BSCL2: variants seen among roughly 807,000 people sequenced by gnomAD.
BSCL2 encodes the protein seipin.
Under a neutral mutation model 57.4 loss-of-function variants are expected in BSCL2, and 41 were observed. The ratio of observed to expected loss-of-function variants is 0.71; its 90% CI spans 0.56 to 0.93. The LOEUF (loss-of-function observed/expected upper bound fraction) is 0.93. Among genes scored for constraint, BSCL2 ranks in the 40% least tolerant of loss-of-function variants. The probability of loss-of-function intolerance (pLI) is 0.00; values close to 1 mark genes in which losing one functional copy is unlikely to be tolerated. For synonymous variants in BSCL2, 237 were observed against 227.3 expected (o/e 1.04, Z -0.38); for missense variants, 539 against 586.7 (o/e 0.92, Z 0.84).
chr11:62,692,438 G>A lies in BSCL2; in HGVS notation c.801C>T (p.His267=), dbSNP rs750694484. The A allele has an allele frequency of 4.3e-6, 7 of 1,614,148 alleles. No individual in the cohort carries two copies. The South Asian group carries it at 6.6e-5, about 15-fold the overall frequency. Residue 267 remains histidine (H), a synonymous_variant, in exon 6 of 11, where the codon CAC becomes CAT. Coordinates refer to ENST00000360796, the MANE Select transcript of BSCL2 (RefSeq NM_001122955.4). ...CTCCATACAGCTGGATGCGCTTGCTGTGGATCTCAATGATCGCTCCAGTGG... is the reference window on the plus strand; with the variant it reads ...CTCCATACAGCTGGATGCGCTTGCTATGGATCTCAATGATCGCTCCAGTGG... ...VPTTGAIIEI[H]SKRIQLYGAY... is the part of the protein sequence containing the mutation.
chr11:62,700,164 C>G (rs1945596255), intron 3 of BSCL2, among the ~76,000 whole-genome samples: 1 of 150,372 alleles, frequency 6.7e-6, no homozygotes, highest in Admixed American at 6.7e-5. Flanking sequence ...TCACTTGAAC[C>G]TGGGAGGTCA....
chr11:62,700,384 T>C (rs1397575754), intron 3 of BSCL2, among the ~76,000 whole-genome samples: 1 of 152,214 alleles, frequency 6.6e-6, no homozygotes, highest in Non-Finnish European at 1.5e-5. Flanking sequence ...CTCATGTCTG[T>C]AATCCCAGCA....
chr11:62,690,414 G>A lies in BSCL2; in HGVS notation c.1342C>T (p.Pro448Ser), dbSNP rs1565142385. ...CGCTGTCGGAGAGCACCCCCAGCAG[G>A]TTCAGAGCTGCCCAGAGTCTCTAGG... ...PVLETLGSSE[P>S]AGGALRQRPT... The change falls in exon 11 of 11, where the codon CCT becomes TCT. Residue 448 changes from proline to serine, a missense_variant. By Grantham distance (74) the Pro-to-Ser change is moderately conservative. Coordinates refer to ENST00000360796, the MANE Select transcript of BSCL2 (RefSeq NM_001122955.4). 1 of 1,614,152 alleles carries A rather than the reference G, an allele frequency of 6.2e-7. No individual in the cohort carries two copies. Among genetic ancestry groups the A allele is most frequent in the East Asian group, 2.2e-5 (1 of 44,884 alleles).
intron 4 of BSCL2, among the ~76,000 whole-genome samples, chr11:62,692,999 C>G (rs1327937497): frequency 1.3e-5 from 2 of 152,140 alleles, no homozygotes; most frequent in African/African-American, 4.8e-5. Context: ...CAACCACACT[C>G]TATTATAGAG....
intron 2 of BSCL2, among the ~76,000 whole-genome samples, chr11:62,702,798 G>A (rs896139595): frequency 6.6e-6 from 1 of 152,074 alleles, no homozygotes; most frequent in African/African-American, 2.4e-5. Context: ...GGAATCTAGA[G>A]ATACTTAAAT....
chr11:62,706,100 G>T (rs1212222954), intron 1 of BSCL2: 2 of 532,582 alleles, frequency 3.8e-6, no homozygotes, highest in Non-Finnish European at 5.0e-6. Flanking sequence ...CTCGCTCACC[G>T]ACACGGCTAC....
chr11:62,708,271 C>A (rs777032288), upstream of BSCL2: 12 of 1,483,294 alleles, frequency 8.1e-6, no homozygotes, highest in South Asian at 1.1e-5. Flanking sequence ...AGACTGTGCT[C>A]TGAGAGGTCC....
chr11:62,707,557 C>T, upstream of BSCL2: 1 of 592,580 alleles, frequency 1.7e-6, no homozygotes, highest in Non-Finnish European at 3.0e-6. Flanking sequence ...AGTCAGGATG[C>T]CTGCAATGGG....
chr11:62,698,206 C>CAGAATCCGCATTTTACAGT (rs1426241661), intron 3 of BSCL2, among the ~76,000 whole-genome samples: 2 of 140,552 alleles, frequency 1.4e-5, no homozygotes, highest in African/African-American at 2.7e-5. Flanking sequence ...CGTGCCCGGC[C>CAGAATCCGCATTTTACAGT]TCTTCTTTTT....
In BSCL2 at chr11:62,692,451, A is replaced by G; in HGVS notation, c.788T>C (p.Ile263Thr). The change falls in exon 6 of 11, where the codon ATC (isoleucine) becomes ACC (threonine). Residue 263 changes from isoleucine to threonine, a missense_variant. Ile to Thr is a moderately conservative substitution (Grantham distance 89). Coordinates refer to ENST00000360796, the MANE Select transcript of BSCL2 (RefSeq NM_001122955.4). Reference protein sequence around the residue: ...ENSYVPTTGAIIEIHSKRIQL... With the variant: ...ENSYVPTTGATIEIHSKRIQL... ...GATGCGCTTGCTGTGGATCTCAATG[A>G]TCGCTCCAGTGGTCGGCACGTACTG... is the stretch of plus-strand genomic sequence containing the variant. 6.2e-7 allele frequency: 1 copy of G among 1,613,928 alleles called. No homozygotes were observed. Among genetic ancestry groups the G allele is most frequent in the Non-Finnish European group, 8.5e-7 (1 of 1,180,000 alleles).
chr11:62,709,292 T>A (rs966384315), upstream of BSCL2: 1 of 454,122 alleles, frequency 2.2e-6, no homozygotes, highest in Admixed American at 2.3e-5. Flanking sequence ...CAATGCAGGC[T>A]AGACATCGTC....
intron 3 of BSCL2, among the ~76,000 whole-genome samples, chr11:62,697,221 T>C (rs2958241): frequency 0.98 from 147,302 of 151,004 alleles, 71,948 homozygotes; most frequent in East Asian, 1. Context: ...GGTGAAACCC[T>C]GTCTCTACTG....
chr11:62,707,449 C>T (rs138960409), upstream of BSCL2: 183 of 692,780 alleles, frequency 2.6e-4, 4 homozygotes, highest in East Asian at 4.6e-3. Flanking sequence ...GCAGCCAGTA[C>T]AGACTCCACT....
chr11:62,702,667 TTCTC>T (rs1210926620), intron 2 of BSCL2, 118 bp from the exon 3 acceptor site: 3 of 760,540 alleles, frequency 3.9e-6, no homozygotes, highest in Admixed American at 2.1e-5. Flanking sequence ...ACAGGCACCC[TTCTC>T]TCTGTTACAA....
intron 3 of BSCL2, among the ~76,000 whole-genome samples, chr11:62,701,608 G>T (rs1840952283): frequency 6.6e-6 from 1 of 152,106 alleles, no homozygotes; most frequent in African/African-American, 2.4e-5. Context: ...GAGGCGGGCA[G>T]ATCACAAGGT....
chr11:62,692,611 G>T, intron 5 of BSCL2, 52 bp downstream of exon 5: 1 of 1,613,200 alleles, frequency 6.2e-7, no homozygotes. Context: ...TAGAATCCTG[G>T]GCTAATGGGA....
Position 62,694,711 on chromosome 11 carries a change from C to T in BSCL2, c.487G>A (p.Val163Met), listed in dbSNP as rs749589212. The change falls in exon 4 of 11, where the codon GTG (valine) becomes ATG (methionine). Residue 163 changes from valine (V) to methionine (M), a missense_variant and splice_region_variant. Val to Met is a conservative substitution (Grantham distance 21). This residue lies in a region of BSCL2 where 218 missense variants were observed against 224.8 expected (regional missense o/e 0.97). Coordinates refer to ENST00000360796, the MANE Select transcript of BSCL2 (RefSeq NM_001122955.4). ...CGATACGGCTGTCCATACATCAGCACCTGCCAAAGGTAGCCCCCATTTCTT... is the reference window on the plus strand; with the variant it reads ...CGATACGGCTGTCCATACATCAGCATCTGCCAAAGGTAGCCCCCATTTCTT... Reference protein sequence around the residue: ...VSLTKGGRDRVLMYGQPYRVT... With the variant: ...VSLTKGGRDRMLMYGQPYRVT... The T allele has an allele frequency of 1.2e-6, 2 of 1,614,034 alleles. No homozygotes were observed. Among genetic ancestry groups the T allele is most frequent in the South Asian group, 2.2e-5 (2 of 91,042 alleles).
At chr11:62,693,300 T>C (rs1945359349) in intron 4 of BSCL2, among the ~76,000 whole-genome samples, 1 of 152,014 alleles carries the variant, frequency 6.6e-6, no homozygotes, top group Admixed American at 6.6e-5. Flanking sequence ...GATCAGGAGT[T>C]CGAGACCAGC....
At chr11:62,692,325 G>C in intron 6 of BSCL2, 51 bp downstream of exon 6, 1 of 1,578,878 alleles carries the variant, frequency 6.3e-7, no homozygotes, top group Non-Finnish European at 8.7e-7. Context: ...CTTGGTGGAA[G>C]GTTAGCCCCC....
Sources: gnomAD v4.1 joint callset for allele counts (sites outside exome capture counted in the v4.1 genomes callset) on GRCh38, gnomAD v4.1.1 for gene constraint, gnomAD v4.1.1 regional missense constraint, MANE v1.5 for transcripts, NCBI Gene and HGNC (gene_info 2026-07-23, HGNC 2026-07-21) for gene names.